The following NCOA3 variants were observed in gnomAD, a reference collection of about 807,000 sequenced individuals.
The protein encoded by NCOA3 is CBP-interacting protein.
In NCOA3, 51 loss-of-function variants were observed where a neutral mutation model predicts 158.8. The observed-to-expected ratio is 0.32, with a 90% CI of 0.26 to 0.41. NCOA3 has a LOEUF of 0.41. Among genes scored for constraint, NCOA3 ranks in the 10% least tolerant of loss-of-function variants. The pLI, the probability that NCOA3 is intolerant of heterozygous loss-of-function variation, is 1.00. For synonymous variants in NCOA3, 537 were observed against 592.4 expected (o/e 0.91, Z 1.36); for missense variants, 1,510 against 1,746.6 (o/e 0.86, Z 2.41).
chr20:47,639,773 A>G lies in NCOA3; in HGVS notation c.2904A>G (p.Ile968Met). ...CATTGCCTCTTCGGTCTAATAGCATACCAGGTGCGAGACCAGTATTGCAAC... is the reference window on the plus strand; with the variant it reads ...CATTGCCTCTTCGGTCTAATAGCATGCCAGGTGCGAGACCAGTATTGCAAC... ...IPTLPLRSNSIPGARPVLQQQ... is the reference protein window; with the variant it reads ...IPTLPLRSNSMPGARPVLQQQ... Residue 968 changes from isoleucine to methionine, a missense_variant, in exon 15 of 23, where the codon ATA becomes ATG. This residue lies in a region of NCOA3 where 1,017 missense variants were observed against 1,098.3 expected (regional missense o/e 0.93). Transcript: ENST00000371998. 6.2e-7 allele frequency: 1 copy of G among 1,614,218 alleles called. No individual in the cohort carries two copies. Among genetic ancestry groups the G allele is most frequent in the Non-Finnish European group, 8.5e-7 (1 of 1,180,032 alleles).
In NCOA3 at chr20:47,635,501, C is replaced by CCCCA; in HGVS notation, c.1292_1293insCCCA (p.Arg432ProfsTer2). On this transcript the variant is annotated frameshift_variant, in exon 11 of 23. Coordinates refer to ENST00000371998, the MANE Select transcript of NCOA3 (RefSeq NM_181659.3). LOFTEE classifies it high-confidence loss of function. ...AGCACCACAGGGCAGATGAGTGGAG[C>CCCCA]TAGGTATGGGGGTTCCAGTAACATA... is the stretch of plus-strand genomic sequence containing the variant. The CCCCA allele has an allele frequency of 6.2e-7, 1 of 1,614,028 alleles. No individual in the cohort carries two copies. Among genetic ancestry groups the CCCCA allele is most frequent in the Non-Finnish European group, 8.5e-7 (1 of 1,179,994 alleles).
chr20:47,580,286 C>T (rs1265464639), intron 1 of NCOA3, among the ~76,000 whole-genome samples: 1 of 151,968 alleles, frequency 6.6e-6, no homozygotes, highest in Admixed American at 6.6e-5. Flanking sequence ...CTTTCCTGGC[C>T]GGGCACGGTG....
In NCOA3 at chr20:47,635,325, A is replaced by G; in HGVS notation, c.1116A>G (p.Glu372=). Residue 372 remains glutamate, a synonymous_variant, in exon 11 of 23, where the codon GAA becomes GAG. Coordinates refer to ENST00000371998, the MANE Select transcript of NCOA3 (RefSeq NM_181659.3). ...AAGTTTGATGTTTGTTTTGCAGAGA[A>G]CAGAATGGATATAGACCAAACCCAA... ...GFVSTHFLQR[E]QNGYRPNPNP... 6.3e-7 allele frequency: 1 copy of G among 1,585,574 alleles called. No individual in the cohort carries two copies. The highest frequency in any genetic ancestry group is 2.3e-5 in the East Asian group (1 of 44,142).
intron 2 of NCOA3, among the ~76,000 whole-genome samples, chr20:47,589,646 A>T (rs1270693600): frequency 6.6e-6 from 1 of 152,062 alleles, no homozygotes; most frequent in African/African-American, 2.4e-5. Context: ...AAGTTCTGGG[A>T]TTATAGGCAT....
intron 2 of NCOA3, among the ~76,000 whole-genome samples, chr20:47,613,026 T>G (rs1442645753): frequency 1.3e-5 from 2 of 152,212 alleles, no homozygotes; most frequent in Non-Finnish European, 2.9e-5. Flanking sequence ...AACTGGAACA[T>G]AAATGTGCAA....
chr20:47,535,279 G>A (rs2084614242), intron 1 of NCOA3, among the ~76,000 whole-genome samples: 1 of 152,194 alleles, frequency 6.6e-6, no homozygotes, highest in Non-Finnish European at 1.5e-5. Flanking sequence ...TTTGGGCTTT[G>A]ACTCCATAGC....
chr20:47,514,146 G>T (rs1389185215), intron 1 of NCOA3, among the ~76,000 whole-genome samples: 1 of 151,112 alleles, frequency 6.6e-6, no homozygotes, highest in African/African-American at 2.4e-5. Context: ...CTCTCTTTAA[G>T]TCAACATTTT....
rs2086477269 is a variant in NCOA3 at position 47,634,530 on chromosome 20, TCAAGAA to T, written c.1112+336_1112+341del. On this transcript the variant is annotated intron_variant, in intron 10 of 22. Transcript: ENST00000371998. ...TGCATTTAAAATTTGAGGGTAAACT[TCAAGAA>T]TAAAGGTAGTTACTGTCTGGGTTGG... is the stretch of plus-strand genomic sequence containing the variant. 2.0e-5 allele frequency among the ~76,000 whole-genome samples: 3 copies of T among 152,280 alleles called. No individual in the cohort carries two copies. In the South Asian group the frequency reaches 6.2e-4, roughly 32 times the overall value.
At chr20:47,547,590 G>A (rs1176939819) in intron 1 of NCOA3, among the ~76,000 whole-genome samples, 1 of 151,564 alleles carries the variant, frequency 6.6e-6, no homozygotes, top group African/African-American at 2.4e-5. Context: ...TTTTTTGTGT[G>A]TGTGTTTTTA....
intron 2 of NCOA3, among the ~76,000 whole-genome samples, chr20:47,616,697 G>T (rs1472296199): frequency 5.3e-5 from 8 of 152,132 alleles, no homozygotes; most frequent in African/African-American, 1.9e-4. Flanking sequence ...CTTCCTTCCA[G>T]TTCTTTTCTG....
In NCOA3 at chr20:47,639,010, T is replaced by A; in HGVS notation, c.2515T>A (p.Leu839Met). ...TTTTTGTATTGTGTTTTCAACAGGT[T>A]TGAAAAGTTCACAGTCTGTGCAGTC... ...QVFQGTNSLG[L>M]KSSQSVQSIR... The change falls in exon 14 of 23, where the codon TTG becomes ATG. Residue 839 changes from leucine (L) to methionine (M), a missense_variant and splice_region_variant. Transcript: ENST00000371998. The A allele has an allele frequency of 6.3e-7, 1 of 1,591,818 alleles. No individual in the cohort carries two copies. Among genetic ancestry groups the A allele is most frequent in the Non-Finnish European group, 8.6e-7 (1 of 1,168,834 alleles).
chr20:47,581,345 TC>T (rs1272334771), intron 1 of NCOA3, among the ~76,000 whole-genome samples: 6 of 152,214 alleles, frequency 3.9e-5, no homozygotes, highest in African/African-American at 1.2e-4. Context: ...CCTAGAGTTT[TC>T]TTTTTCCTTT....
rs2086539015 is a variant in NCOA3, at chr20:47,637,731, T to C, written c.2460T>C (p.Asn820=). 2 of 1,612,922 alleles carry C rather than the reference T, an allele frequency of 1.2e-6. No individual in the cohort carries two copies. The highest frequency in any genetic ancestry group is 4.5e-5 in the East Asian group (2 of 44,760). ...SDFYNNSISS[N]GSHLGTKQQV... Reference sequence around the variant, plus strand: ...TTTACAATAATTCCATATCCTCAAATGGTAGTCATCTGGGGACTAAGCAAC... The same window carrying C: ...TTTACAATAATTCCATATCCTCAAACGGTAGTCATCTGGGGACTAAGCAAC... Residue 820 remains asparagine (N), a synonymous_variant, in exon 13 of 23, where the codon AAT becomes AAC. Transcript: ENST00000371998.
At position 47,654,760 on chromosome 20, in the gene NCOA3, TAAA is replaced by T. The variant is rs202154300; in HGVS notation, c.*1350_*1352del. The T allele has an allele frequency of 6.6e-6, 1 of 151,492 alleles. No individual in the cohort carries two copies. Among genetic ancestry groups the T allele is most frequent in the African/African-American group, 2.4e-5 (1 of 41,178 alleles). 9.4% of individuals were successfully genotyped at this position (151,492 alleles called of 1,614,324 possible). A position where few individuals can be genotyped will look rare whatever the true frequency, so the allele number is the denominator to read the frequency against. Reference sequence around the variant, plus strand: ...AAGAATAGATATGGGGAAATAAACTTAAAAAAAAATCAGGAATTTAAAAAAACG... The same window carrying T: ...AAGAATAGATATGGGGAAATAAACTTAAAAAATCAGGAATTTAAAAAAACG... On this transcript the variant is annotated 3_prime_UTR_variant, in exon 23 of 23. Transcript: ENST00000371998.
At chr20:47,526,487 A>T (rs1055812505) in intron 1 of NCOA3, among the ~76,000 whole-genome samples, 1 of 152,202 alleles carries the variant, frequency 6.6e-6, no homozygotes, top group East Asian at 1.9e-4. Flanking sequence ...CACTGAGTGA[A>T]CGAGACTCCG....
At chr20:47,569,971 C>G (rs1042111280) in intron 1 of NCOA3, among the ~76,000 whole-genome samples, 2 of 152,024 alleles carry the variant, frequency 1.3e-5, no homozygotes, top group African/African-American at 4.8e-5. Flanking sequence ...GATCACGCCA[C>G]TGCGCTCCAG....
chr20:47,534,995 G>A (rs1226981337), intron 1 of NCOA3, among the ~76,000 whole-genome samples: 2 of 150,998 alleles, frequency 1.3e-5, no homozygotes, highest in African/African-American at 4.9e-5. Flanking sequence ...ATCATTACAA[G>A]GTCTGGCTGT....
chr20:47,636,499 G>A lies in NCOA3; in HGVS notation c.2113G>A (p.Ala705Thr). Residue 705 changes from alanine (A) to threonine (T), a missense_variant, in exon 12 of 23, where the codon GCC (alanine) becomes ACC (threonine). Ala to Thr is a moderately conservative substitution (Grantham distance 58, BLOSUM62 0). Coordinates refer to ENST00000371998, the MANE Select transcript of NCOA3 (RefSeq NM_181659.3). ...PAEVAKITAE[A>T]TGKDTSSITS... ...TGAGGTAGCCAAGATTACTGCAGAAGCCACTGGGAAAGACACCAGCAGTAT... is the reference window on the plus strand; with the variant it reads ...TGAGGTAGCCAAGATTACTGCAGAAACCACTGGGAAAGACACCAGCAGTAT... 6.2e-7 allele frequency: 1 copy of A among 1,614,192 alleles called. No individual in the cohort carries two copies. Among genetic ancestry groups the A allele is most frequent in the Non-Finnish European group, 8.5e-7 (1 of 1,180,032 alleles).
chr20:47,542,182 C>T (rs2084754793), intron 1 of NCOA3, among the ~76,000 whole-genome samples: 1 of 151,318 alleles, frequency 6.6e-6, no homozygotes, highest in African/African-American at 2.4e-5. Flanking sequence ...AGGTGCACAC[C>T]ACCATGCCAG....
Sources: allele counts gnomAD v4.1 joint callset (sites outside exome capture counted in the v4.1 genomes callset), GRCh38; gene constraint gnomAD v4.1.1; regional missense constraint gnomAD v4.1.1; transcripts MANE v1.5; gene names NCBI Gene and HGNC (gene_info 2026-07-23, HGNC 2026-07-21).